Variants in TTC34 observed in about 807,000 individuals in gnomAD.
The protein encoded by TTC34 is tetratricopeptide repeat protein 34.
TTC34 carries 44 observed loss-of-function variants against 40.7 expected under a neutral mutation model. That is an observed-to-expected ratio of 1.08 (90% CI 0.85 to 1.39). TTC34 has a LOEUF of 1.39. Ranked by LOEUF, TTC34 falls within the 40% of genes most tolerant of loss-of-function variation. The pLI, the probability that TTC34 is intolerant of heterozygous loss-of-function variation, is 0.00. For synonymous variants in TTC34, 422 were observed against 398.6 expected, an observed-to-expected ratio of 1.06 and a Z score of -0.70; for missense variants, 884 against 838.0, an observed-to-expected ratio of 1.05 and a Z score of -0.68.
intron 6 of TTC34, among the ~76,000 whole-genome samples, chr1:2,757,060 C>CCCTGTAG (rs1641531006): frequency 1.0e-5 from 1 of 96,352 alleles, no homozygotes. Flanking sequence ...TGGAACAGGA[C>CCCTGTAG]CCACACCCCC....
At chr1:2,698,800 A>C (rs1640988010) in intron 6 of TTC34, among the ~76,000 whole-genome samples, 1 of 142,826 alleles carries the variant, frequency 7.0e-6, no homozygotes, top group Non-Finnish European at 1.5e-5. Context: ...GTGGAGCAGC[A>C]CCCCACACCC....
intron 3 of TTC34, 124 bp downstream of exon 3, chr1:2,789,379 T>G: frequency 1.0e-6 from 1 of 984,364 alleles, no homozygotes; most frequent in Non-Finnish European, 1.4e-6. Flanking sequence ...CTCGGGTGCT[T>G]TGGGAAGTCA....
chr1:2,683,426 CCTT>C (rs1640170212), intron 6 of TTC34, among the ~76,000 whole-genome samples: 157 of 142,782 alleles, frequency 1.1e-3, no homozygotes, highest in South Asian at 2.8e-3. Flanking sequence ...GGAACACCAC[CCTT>C]CACCCCCAGG....
At chr1:2,684,600 C>T (rs1439630647) in intron 6 of TTC34, among the ~76,000 whole-genome samples, 2 of 133,082 alleles carry the variant, frequency 1.5e-5, no homozygotes, top group Non-Finnish European at 3.1e-5. Context: ...CCCATACCCC[C>T]AGGTGAGCAT....
chr1:2,700,166 A>G (rs1414757445), intron 6 of TTC34, among the ~76,000 whole-genome samples: 11 of 85,508 alleles, frequency 1.3e-4, no homozygotes, highest in African/African-American at 3.6e-4. Flanking sequence ...GGAGCATCAC[A>G]TACTCCCCCA....
chr1:2,771,413 A>T (rs1642111215), intron 6 of TTC34, among the ~76,000 whole-genome samples: 1 of 70,570 alleles, frequency 1.4e-5, no homozygotes, highest in Non-Finnish European at 2.4e-5. Context: ...CTTCCAGGTG[A>T]GAATCTGACA....
intron 6 of TTC34, among the ~76,000 whole-genome samples, chr1:2,694,381 C>T (rs1640765847): frequency 7.6e-6 from 1 of 130,946 alleles, no homozygotes; most frequent in African/African-American, 3.2e-5. Context: ...CCTGGAGCAG[C>T]ACCCACACTG....
At chr1:2,652,706 G>C (rs542401225) in intron 6 of TTC34, among the ~76,000 whole-genome samples, 4 of 147,212 alleles carry the variant, frequency 2.7e-5, no homozygotes, top group African/African-American at 1.0e-4. Context: ...GCATCTGACA[G>C]CCTGGAGGAG....
chr1:2,648,878 C>T (rs1165574427), intron 6 of TTC34, among the ~76,000 whole-genome samples: 1 of 150,066 alleles, frequency 6.7e-6, no homozygotes, highest in African/African-American at 2.5e-5. Flanking sequence ...CAGAACCCTA[C>T]ACACCCAGCT....
At chr1:2,675,149 CAGCACCCACACCCCCAGGGG>C (rs1457405318) in intron 6 of TTC34, among the ~76,000 whole-genome samples, 3 of 140,834 alleles carry the variant, frequency 2.1e-5, no homozygotes, top group Non-Finnish European at 3.2e-5. Flanking sequence ...CAGCCCGTAG[CAGCACCCACACCCCCAGGGG>C]AGCATCTGAC....
chr1:2,798,456 C>A (rs565216322), intron 2 of TTC34, among the ~76,000 whole-genome samples: 1 of 95,326 alleles, frequency 1.0e-5, no homozygotes, highest in Non-Finnish European at 2.1e-5. Flanking sequence ...CTCCCCAGCC[C>A]CCCAGCCTCC....
intron 6 of TTC34, among the ~76,000 whole-genome samples, chr1:2,694,902 G>C (rs28495110): frequency 8.3e-6 from 1 of 120,792 alleles, no homozygotes; most frequent in African/African-American, 3.1e-5. Context: ...GCCTGGAACA[G>C]CACCCACACA....
chr1:2,683,472 CCA>C (rs1640173331), intron 6 of TTC34, among the ~76,000 whole-genome samples: 1 of 150,148 alleles, frequency 6.7e-6, no homozygotes, highest in African/African-American at 2.5e-5. Context: ...AGCACCCACA[CCA>C]CCAGGCGAGC....
chr1:2,657,502 C>T (rs1227031347), intron 6 of TTC34, among the ~76,000 whole-genome samples: 2 of 97,410 alleles, frequency 2.1e-5, no homozygotes, highest in Non-Finnish European at 5.4e-5. Context: ...CACCCACAAC[C>T]CCAGGCGAGC....
intron 6 of TTC34, among the ~76,000 whole-genome samples, chr1:2,753,030 C>T (rs1195112562): frequency 2.1e-4 from 27 of 126,128 alleles, no homozygotes; most frequent in East Asian, 7.9e-4. Context: ...GGTGAGCATC[C>T]GACAGCCTGG....
chr1:2,642,904 T>G (rs543808151), intron 8 of TTC34, among the ~76,000 whole-genome samples: 1 of 152,348 alleles, frequency 6.6e-6, no homozygotes, highest in East Asian at 1.9e-4. Flanking sequence ...TTCTGCCAGC[T>G]GTGAGCGGCG....
intron 6 of TTC34, among the ~76,000 whole-genome samples, chr1:2,755,584 T>C (rs1285798442): frequency 0.073 from 2,293 of 31,498 alleles, no homozygotes; most frequent in Middle Eastern, 0.093. Flanking sequence ...CACCCACACC[T>C]CCCGGCGAGC....
chr1:2,658,838 ATC>A (rs1476062815), intron 6 of TTC34, among the ~76,000 whole-genome samples: 243 of 129,152 alleles, frequency 1.9e-3, no homozygotes, highest in Non-Finnish European at 3.5e-3. Flanking sequence ...CCAGGCGAGC[ATC>A]TGACAGCCTG....
chr1:2,694,968 G>C (rs1640792622), intron 6 of TTC34, among the ~76,000 whole-genome samples: 1 of 151,054 alleles, frequency 6.6e-6, no homozygotes, highest in East Asian at 2.0e-4. Flanking sequence ...GTGAGCATCT[G>C]ACAGCCTGGA....
Sources: allele counts gnomAD v4.1 joint callset (sites outside exome capture counted in the v4.1 genomes callset), GRCh38; gene constraint gnomAD v4.1.1; transcripts MANE v1.5; gene names NCBI Gene and HGNC (gene_info 2026-07-23, HGNC 2026-07-21).